GRID2: variants seen among roughly 807,000 people sequenced by gnomAD.
GRID2 encodes the protein glutamate receptor ionotropic, delta-2.
In GRID2, 33 loss-of-function variants were observed where a neutral mutation model predicts 114.8. That is an observed-to-expected ratio of 0.29 (90% confidence interval 0.22 to 0.38). The LOEUF (loss-of-function observed/expected upper bound fraction) is 0.38, where lower values mean the gene tolerates loss of function less well. GRID2 is among the 10% of genes least tolerant of loss of function. GRID2 has a pLI of 1.00. For synonymous variants in GRID2, 505 were observed against 449.9 expected (o/e 1.12, Z -1.55); for missense variants, 1,184 against 1,257.7 (o/e 0.94, Z 0.89).
At chr4:93,628,391 G>T (rs1428865415) in intron 14 of GRID2, among the ~76,000 whole-genome samples, 1 of 152,036 alleles carries the variant, frequency 6.6e-6, no homozygotes, top group Non-Finnish European at 1.5e-5. Context: ...TTTAAATTGT[G>T]TAGTTAAGGT....
At chr4:92,360,963 T>C (rs1728590656) in intron 1 of GRID2, among the ~76,000 whole-genome samples, 1 of 152,018 alleles carries the variant, frequency 6.6e-6, no homozygotes. Context: ...ACTGATAAGT[T>C]GCTTGAGGGT....
At chr4:93,471,713 TTTGGAGACGGAG>T (rs1724832888) in intron 11 of GRID2, among the ~76,000 whole-genome samples, 1 of 125,010 alleles carries the variant, frequency 8.0e-6, no homozygotes. Flanking sequence ...TTTTTTTTTT[TTTGGAGACGGAG>T]TTTTTGCTCT....
intron 1 of GRID2, among the ~76,000 whole-genome samples, chr4:92,349,380 T>C (rs1438053435): frequency 1.3e-5 from 2 of 151,998 alleles, no homozygotes; most frequent in Middle Eastern, 6.8e-3. Flanking sequence ...ATAATGCCAA[T>C]TATTATCTCA....
chr4:92,878,659 T>G (rs1243867642), intron 2 of GRID2, among the ~76,000 whole-genome samples: 3 of 152,172 alleles, frequency 2.0e-5, no homozygotes, highest in Non-Finnish European at 2.9e-5. Flanking sequence ...TTATACTGAA[T>G]CACACTTTTT....
intron 1 of GRID2, among the ~76,000 whole-genome samples, chr4:92,474,587 T>A (rs1458514096): frequency 6.6e-6 from 1 of 152,120 alleles, no homozygotes; most frequent in Admixed American, 6.5e-5. Flanking sequence ...TTTGGAGGAA[T>A]CTCCATCCTG....
intron 13 of GRID2, among the ~76,000 whole-genome samples, chr4:93,541,783 A>G (rs1156800816): frequency 1.3e-5 from 2 of 152,156 alleles, no homozygotes; most frequent in Admixed American, 6.5e-5. Context: ...ACTTGAAAAA[A>G]TTATCCTAAT....
intron 8 of GRID2, among the ~76,000 whole-genome samples, chr4:93,378,434 A>T (rs1579881061): frequency 6.6e-6 from 1 of 152,212 alleles, no homozygotes; most frequent in African/African-American, 2.4e-5. Flanking sequence ...TCTAGTAAAG[A>T]TTCCGTAATT....
chr4:92,739,568 C>G (rs1310457506), intron 2 of GRID2, among the ~76,000 whole-genome samples: 1 of 151,982 alleles, frequency 6.6e-6, no homozygotes, highest in Non-Finnish European at 1.5e-5. Flanking sequence ...CCAGTCCGTC[C>G]TGTGATTTCA....
intron 2 of GRID2, among the ~76,000 whole-genome samples, chr4:92,725,810 T>A (rs963569721): frequency 6.6e-6 from 1 of 152,174 alleles, no homozygotes; most frequent in African/African-American, 2.4e-5. Flanking sequence ...CTCACAGATT[T>A]CCTAATGAGA....
intron 2 of GRID2, among the ~76,000 whole-genome samples, chr4:92,905,127 G>T (rs1456807476): frequency 6.6e-6 from 1 of 151,932 alleles, no homozygotes; most frequent in Non-Finnish European, 1.5e-5. Context: ...ATTAAGAAAT[G>T]ATATTTATTT....
At chr4:93,532,681 G>C (rs979024466) in intron 13 of GRID2, among the ~76,000 whole-genome samples, 4 of 152,096 alleles carry the variant, frequency 2.6e-5, no homozygotes, top group Admixed American at 2.0e-4. Flanking sequence ...TGCAATTCCA[G>C]CAACAGAGAT....
At chr4:93,488,302 A>G (rs1726613072) in intron 11 of GRID2, among the ~76,000 whole-genome samples, 1 of 151,990 alleles carries the variant, frequency 6.6e-6, no homozygotes, top group African/African-American at 2.4e-5. Context: ...GCTTTTAAGA[A>G]GAAGGTATCT....
intron 1 of GRID2, among the ~76,000 whole-genome samples, chr4:93,788,719 G>A (rs1013453769): frequency 5.3e-5 from 8 of 152,116 alleles, no homozygotes; most frequent in South Asian, 2.1e-4. Flanking sequence ...TCTCCTATGC[G>A]GTAGAATAAC....
chr4:92,689,027 G>A (rs1035118429), intron 2 of GRID2, among the ~76,000 whole-genome samples: 4 of 152,276 alleles, frequency 2.6e-5, no homozygotes, highest in African/African-American at 9.6e-5. Context: ...CTCTATAAGA[G>A]TTCTAGGGTG....
chr4:92,462,208 A>G (rs1721532847), intron 1 of GRID2, among the ~76,000 whole-genome samples: 1 of 152,118 alleles, frequency 6.6e-6, no homozygotes, highest in South Asian at 2.1e-4. Flanking sequence ...CTATTCTCAC[A>G]TCGCTAAAAT....
At chr4:93,069,940 G>A (rs1054441484) in intron 2 of GRID2, among the ~76,000 whole-genome samples, 1 of 152,160 alleles carries the variant, frequency 6.6e-6, no homozygotes, top group Non-Finnish European at 1.5e-5. Flanking sequence ...AAAAATGGGG[G>A]CTTACTTGGT....
At chr4:93,548,344 A>G (rs11932612) in intron 13 of GRID2, among the ~76,000 whole-genome samples, 83,364 of 152,040 alleles carry the variant, frequency 0.55, 23,455 homozygotes, top group African/African-American at 0.61. Context: ...TTTTAAAACT[A>G]GAGGCACTTG....
chr4:93,651,299 G>T (rs1409618458), intron 14 of GRID2, among the ~76,000 whole-genome samples: 1 of 152,100 alleles, frequency 6.6e-6, no homozygotes, highest in African/African-American at 2.4e-5. Flanking sequence ...GACCAGTTTT[G>T]CAGGCAGCAC....
At chr4:93,784,235 C>G (rs969162072) in intron 1 of GRID2, among the ~76,000 whole-genome samples, 71 of 152,230 alleles carry the variant, frequency 4.7e-4, no homozygotes, top group Middle Eastern at 6.8e-3. Flanking sequence ...AAGCTTCACT[C>G]TTTTTAGGCT....
Sources: gnomAD v4.1 joint callset for allele counts (sites outside exome capture counted in the v4.1 genomes callset) on GRCh38, gnomAD v4.1.1 for gene constraint, MANE v1.5 for transcripts, NCBI Gene and HGNC (gene_info 2026-07-23, HGNC 2026-07-21) for gene names.